The following LINGO2 variants were observed in gnomAD, a reference collection of about 807,000 sequenced individuals.
The protein encoded by LINGO2 is leucine-rich repeat and immunoglobulin-like domain-containing nogo receptor-interacting protein 2.
A neutral mutation model predicts 30.6 loss-of-function variants in LINGO2; 14 were observed. The observed-to-expected ratio is 0.46, with a 90% CI of 0.30 to 0.72. LINGO2 has a LOEUF of 0.72. LINGO2 is among the 30% of genes least tolerant of loss of function. The probability of loss-of-function intolerance (pLI) is 0.07; values close to 1 mark genes in which losing one functional copy is unlikely to be tolerated. For synonymous variants in LINGO2, 317 were observed against 288.5 expected (o/e 1.10, Z -1.00); for missense variants, 729 against 751.7 (o/e 0.97, Z 0.35).
intron 2 of LINGO2, among the ~76,000 whole-genome samples, chr9:28,380,295 C>G (rs1821299136): frequency 6.6e-6 from 1 of 151,872 alleles, no homozygotes. Flanking sequence ...TTAGCCTACC[C>G]ACCAATTTCC....
chr9:28,758,779 T>C, the LINGO2 span, among the ~76,000 whole-genome samples: 2 of 152,108 alleles, frequency 1.3e-5, no homozygotes, highest in Non-Finnish European at 2.9e-5. Flanking sequence ...CCAGAAATTA[T>C]AATCACCAAG....
In LINGO2 at chr9:28,464,103, C is replaced by T. The variant is rs563510323; in HGVS notation, c.-279+11837G>A. 2.0e-5 allele frequency among the ~76,000 whole-genome samples: 3 copies of T among 152,264 alleles called. No individual in the cohort carries two copies. The East Asian group carries it at 5.8e-4, about 29-fold the overall frequency. On this transcript the variant is annotated intron_variant, in intron 2 of 5. Coordinates refer to ENST00000379992, the Ensembl canonical transcript of LINGO2. ...TATTCTGTTCAGGGAAACGACCTCA[C>T]AATTCTTGTAGTCTATGGTATGAAT... is the stretch of plus-strand genomic sequence containing the variant.
At chr9:28,476,956 T>C (rs188842917) in intron 1 of LINGO2, among the ~76,000 whole-genome samples, 27 of 152,352 alleles carry the variant, frequency 1.8e-4, no homozygotes, top group Admixed American at 1.2e-3. Context: ...GATTAGAATA[T>C]GACATTTCCA....
chr9:28,677,615 A>G, the LINGO2 span, among the ~76,000 whole-genome samples: 4 of 152,138 alleles, frequency 2.6e-5, no homozygotes, highest in African/African-American at 9.7e-5. Flanking sequence ...ACCTTCAACT[A>G]TACTGTCTAA....
At chr9:28,192,232 T>C (rs1033244699) in intron 4 of LINGO2, among the ~76,000 whole-genome samples, 1 of 152,090 alleles carries the variant, frequency 6.6e-6, no homozygotes, top group African/African-American at 2.4e-5. Flanking sequence ...TACATGCTCA[T>C]AGTCACAAAT....
the LINGO2 span, among the ~76,000 whole-genome samples, chr9:28,717,592 T>C: frequency 6.6e-6 from 1 of 152,076 alleles, no homozygotes; most frequent in Non-Finnish European, 1.5e-5. Flanking sequence ...AGAGTCATAA[T>C]TTCTTCTCTC....
At chr9:27,964,275 G>A (rs1457563777) in intron 5 of LINGO2, among the ~76,000 whole-genome samples, 1 of 152,076 alleles carries the variant, frequency 6.6e-6, no homozygotes, top group Non-Finnish European at 1.5e-5. Context: ...GTTTACAGGT[G>A]TAATGCTAAA....
chr9:28,636,612 A>T (rs1827288422), intron 1 of LINGO2, among the ~76,000 whole-genome samples: 1 of 152,208 alleles, frequency 6.6e-6, no homozygotes, highest in African/African-American at 2.4e-5. Flanking sequence ...TGTTGGCTGC[A>T]TAAATGTCTT....
At chr9:28,848,045 G>GTATA in the LINGO2 span, among the ~76,000 whole-genome samples, 103 of 17,820 alleles carry the variant, frequency 5.8e-3, 11 homozygotes, top group East Asian at 0.024. Flanking sequence ...ACTATATATA[G>GTATA]TATATATATA....
chr9:28,169,682 A>G (rs1297969921), intron 4 of LINGO2, among the ~76,000 whole-genome samples: 1 of 152,228 alleles, frequency 6.6e-6, no homozygotes, highest in Non-Finnish European at 1.5e-5. Flanking sequence ...ACAAATAAAT[A>G]TAGTGCATAA....
In LINGO2 at chr9:28,062,576, C is replaced by A. The variant is rs200292162; in HGVS notation, c.-86-50171G>T. 1.8e-3 allele frequency among the ~76,000 whole-genome samples: 51 copies of A among 28,440 alleles called. 1 individual carries two copies. The highest frequency in any genetic ancestry group is 2.5e-3 in the South Asian group (2 of 788). The allele number at this position is 28,440 out of a possible 152,430, so 18.7% of individuals were successfully genotyped here. On this transcript the variant is annotated intron_variant, in intron 4 of 5. Transcript: ENST00000379992. ...TATATACATATATAGTATATATACA[C>A]AATCAAATATATATATTTTGTATAT...
At chr9:28,319,044 C>G (rs1262947768) in intron 3 of LINGO2, among the ~76,000 whole-genome samples, 1 of 152,104 alleles carries the variant, frequency 6.6e-6, no homozygotes, top group Non-Finnish European at 1.5e-5. Flanking sequence ...GTTTAAAACT[C>G]TTTATAGTCA....
At chr9:28,970,674 G>A in the LINGO2 span, among the ~76,000 whole-genome samples, 4 of 152,196 alleles carry the variant, frequency 2.6e-5, no homozygotes, top group East Asian at 1.9e-4. Context: ...CCCACAGACC[G>A]GAACATTTAG....
At chr9:28,827,076 T>A in the LINGO2 span, among the ~76,000 whole-genome samples, 3 of 152,158 alleles carry the variant, frequency 2.0e-5, no homozygotes, top group African/African-American at 7.2e-5. Flanking sequence ...CATTAATACT[T>A]TTTAAAAACA....
chr9:28,880,552 T>C, the LINGO2 span, among the ~76,000 whole-genome samples: 3 of 152,046 alleles, frequency 2.0e-5, no homozygotes, highest in Non-Finnish European at 4.4e-5. Context: ...GAAAGCGGGG[T>C]ATTGTCCAAG....
At chr9:28,537,358 C>T (rs780413208) in intron 1 of LINGO2, among the ~76,000 whole-genome samples, 3 of 152,092 alleles carry the variant, frequency 2.0e-5, no homozygotes, top group Non-Finnish European at 2.9e-5. Context: ...TCCCTTTCCC[C>T]TTCATTAGCA....
chr9:28,190,639 T>G (rs771632651), intron 4 of LINGO2, among the ~76,000 whole-genome samples: 4 of 152,206 alleles, frequency 2.6e-5, no homozygotes, highest in Non-Finnish European at 5.9e-5. Flanking sequence ...GCCTTGATCT[T>G]GGACTTCCCA....
intron 3 of LINGO2, among the ~76,000 whole-genome samples, chr9:28,360,435 G>A (rs1820396421): frequency 6.6e-6 from 1 of 152,116 alleles, no homozygotes; most frequent in African/African-American, 2.4e-5. Flanking sequence ...TGTGCTTTAA[G>A]CTTAGAATGT....
At chr9:28,990,256 C>T in the LINGO2 span, among the ~76,000 whole-genome samples, 7 of 152,316 alleles carry the variant, frequency 4.6e-5, no homozygotes, top group Middle Eastern at 3.4e-3. Flanking sequence ...TGACTGCTAG[C>T]ACAGCAGTCT....
Sources: gnomAD v4.1 joint callset for allele counts (sites outside exome capture counted in the v4.1 genomes callset) on GRCh38, gnomAD v4.1.1 for gene constraint, MANE v1.5 for transcripts, NCBI Gene and HGNC (gene_info 2026-07-23, HGNC 2026-07-21) for gene names.